IL1RAPL2: variants seen among roughly 807,000 people sequenced by gnomAD.
IL1RAPL2 encodes interleukin 1 receptor accessory protein like 2.
In IL1RAPL2, 3 loss-of-function variants were observed where a neutral mutation model predicts 44.1. The ratio of observed to expected loss-of-function variants is 0.07; its 90% CI spans 0.03 to 0.18. The LOEUF (loss-of-function observed/expected upper bound fraction) is 0.18, where lower values mean the gene tolerates loss of function less well. IL1RAPL2 is among the 10% of genes least tolerant of loss of function. The probability of loss-of-function intolerance (pLI) is 1.00; values close to 1 mark genes in which losing one functional copy is unlikely to be tolerated. For missense variants in IL1RAPL2, 391 were observed against 496.4 expected, an observed-to-expected ratio of 0.79 and a Z score of 2.02; for synonymous variants, 181 against 178.8, an observed-to-expected ratio of 1.01 and a Z score of -0.10.
chrX:105,044,453 G>T (rs2031809736), intron 2 of IL1RAPL2, among the ~76,000 whole-genome samples: 1 of 110,283 alleles, frequency 9.1e-6, no homozygotes, highest in South Asian at 3.9e-4. Flanking sequence ...CAGACAGGGG[G>T]TGGTAACAAA....
intron 6 of IL1RAPL2, among the ~76,000 whole-genome samples, chrX:105,644,101 C>T (rs1602500305): frequency 9.0e-6 from 1 of 111,143 alleles, no homozygotes; most frequent in East Asian, 2.9e-4. Flanking sequence ...CCGTGTTAGC[C>T]AGGATGGTCT....
intron 3 of IL1RAPL2, among the ~76,000 whole-genome samples, chrX:105,228,737 GT>G (rs1259034046): frequency 8.9e-6 from 1 of 112,077 alleles, no homozygotes; most frequent in Non-Finnish European, 1.9e-5. Flanking sequence ...CCACAAGTTA[GT>G]TTGACTGTTG....
chrX:105,085,748 T>A (rs926838305), intron 2 of IL1RAPL2, among the ~76,000 whole-genome samples: 11 of 112,076 alleles, frequency 9.8e-5, no homozygotes, highest in Non-Finnish European at 1.5e-4. Flanking sequence ...GTATAACTTT[T>A]GACTCCCCAC....
chrX:105,301,835 C>T (rs2147674970), intron 5 of IL1RAPL2, among the ~76,000 whole-genome samples: 1 of 112,158 alleles, frequency 8.9e-6, no homozygotes. Flanking sequence ...CAGTAAACAT[C>T]AGAGTGCAGA....
intron 1 of IL1RAPL2, among the ~76,000 whole-genome samples, chrX:104,640,129 T>A (rs1253407587): frequency 2.7e-5 from 3 of 111,872 alleles, no homozygotes; most frequent in Non-Finnish European, 5.6e-5. Flanking sequence ...AACATTTGGT[T>A]GCTTTGTTGT....
intron 5 of IL1RAPL2, among the ~76,000 whole-genome samples, chrX:105,370,535 G>A (rs2035330462): frequency 8.9e-6 from 1 of 111,928 alleles, no homozygotes; most frequent in Non-Finnish European, 1.9e-5. Flanking sequence ...CCCCATCCAT[G>A]TTCCTGCAAA....
chrX:104,762,911 A>G (rs1383673109), intron 2 of IL1RAPL2, among the ~76,000 whole-genome samples: 1 of 111,930 alleles, frequency 8.9e-6, no homozygotes, highest in Non-Finnish European at 1.9e-5. Context: ...CTGTGATGGG[A>G]GCAGCTGCCA....
chrX:105,429,813 T>A (rs1000593955), intron 5 of IL1RAPL2, among the ~76,000 whole-genome samples: 3 of 111,494 alleles, frequency 2.7e-5, no homozygotes, highest in African/African-American at 6.5e-5. Flanking sequence ...TTAGCTTGAG[T>A]TTAACCCGTG....
intron 4 of IL1RAPL2, among the ~76,000 whole-genome samples, chrX:105,262,728 G>A (rs986163068): frequency 2.7e-5 from 3 of 111,536 alleles, no homozygotes; most frequent in Admixed American, 1.9e-4. Context: ...GAAAGTTGGA[G>A]AAACAGAGCT....
intron 2 of IL1RAPL2, among the ~76,000 whole-genome samples, chrX:105,184,111 G>A (rs2033561000): frequency 8.9e-6 from 1 of 111,803 alleles, no homozygotes; most frequent in Non-Finnish European, 1.9e-5. Flanking sequence ...CCCCACATTG[G>A]AGAGTCTCTC....
At chrX:105,319,481 C>A (rs1343007993) in intron 5 of IL1RAPL2, among the ~76,000 whole-genome samples, 2 of 111,532 alleles carry the variant, frequency 1.8e-5, no homozygotes, top group African/African-American at 6.5e-5. Flanking sequence ...GTTGACATGG[C>A]TATTTTCACT....
At chrX:105,562,307 A>G (rs1434305841) in intron 6 of IL1RAPL2, among the ~76,000 whole-genome samples, 1 of 111,527 alleles carries the variant, frequency 9.0e-6, no homozygotes, top group Non-Finnish European at 1.9e-5. Context: ...TTACAATATA[A>G]TACATTGTTA....
chrX:105,691,636 TA>T (rs1311394377), intron 6 of IL1RAPL2, among the ~76,000 whole-genome samples: 1 of 111,893 alleles, frequency 8.9e-6, no homozygotes, highest in African/African-American at 3.2e-5. Context: ...ATTAAACTGT[TA>T]AAAGATAATT....
intron 5 of IL1RAPL2, among the ~76,000 whole-genome samples, chrX:105,368,073 T>C (rs1309763949): frequency 9.0e-6 from 1 of 110,848 alleles, no homozygotes; most frequent in Non-Finnish European, 1.9e-5. Flanking sequence ...CCTAATGTGT[T>C]GGTGTTGAGA....
At chrX:105,164,891 C>G (rs2033358790) in intron 2 of IL1RAPL2, among the ~76,000 whole-genome samples, 1 of 112,130 alleles carries the variant, frequency 8.9e-6, no homozygotes, top group Non-Finnish European at 1.9e-5. Context: ...TGAACAGTTT[C>G]TGGAACATAG....
At chrX:104,697,380 A>G (rs981927893) in intron 2 of IL1RAPL2, among the ~76,000 whole-genome samples, 4 of 112,581 alleles carry the variant, frequency 3.6e-5, no homozygotes, top group Non-Finnish European at 5.6e-5. Flanking sequence ...TTTATTCTTC[A>G]TGGTCTGTTG....
intron 6 of IL1RAPL2, among the ~76,000 whole-genome samples, chrX:105,632,006 A>T (rs1204568862): frequency 9.2e-6 from 1 of 108,475 alleles, no homozygotes; most frequent in Non-Finnish European, 1.9e-5. Flanking sequence ...TTCTCATACA[A>T]TCTTTCCTTT....
intron 2 of IL1RAPL2, among the ~76,000 whole-genome samples, chrX:105,163,856 G>A (rs985491869): frequency 9.0e-6 from 1 of 110,817 alleles, no homozygotes; most frequent in Non-Finnish European, 1.9e-5. Context: ...TCATGTCACT[G>A]AACTTTATCT....
chrX:105,712,849 G>C (rs778152229), intron 6 of IL1RAPL2, among the ~76,000 whole-genome samples: 1 of 112,283 alleles, frequency 8.9e-6, no homozygotes, highest in African/African-American at 3.2e-5. Context: ...TTACTTCCAA[G>C]ATACAATGGG....
Sources: gnomAD v4.1 joint callset for allele counts (sites outside exome capture counted in the v4.1 genomes callset) on GRCh38, gnomAD v4.1.1 for gene constraint, MANE v1.5 for transcripts, NCBI Gene and HGNC (gene_info 2026-07-23, HGNC 2026-07-21) for gene names.